Variants in GALNT2 observed in about 807,000 individuals in gnomAD.
GALNT2 encodes UDP-GalNAc:polypeptide N-acetylgalactosaminyltransferase 2.
In GALNT2, 31 loss-of-function variants were observed where a neutral mutation model predicts 81.4. The ratio of observed to expected loss-of-function variants is 0.38; its 90% CI spans 0.29 to 0.51. The LOEUF (loss-of-function observed/expected upper bound fraction) is 0.51, where lower values mean the gene tolerates loss of function less well. Among genes scored for constraint, GALNT2 ranks in the 20% least tolerant of loss-of-function variants. The pLI, the probability that GALNT2 is intolerant of heterozygous loss-of-function variation, is 0.87. For synonymous variants in GALNT2, 303 were observed against 287.4 expected (o/e 1.05, Z -0.55); for missense variants, 629 against 765.7 (o/e 0.82, Z 2.11).
chr1:230,059,771 AT>A (rs1279211498), intron 1 of GALNT2, among the ~76,000 whole-genome samples: 1 of 152,080 alleles, frequency 6.6e-6, no homozygotes, highest in African/African-American at 2.4e-5. Context: ...ATTTTAAAAT[AT>A]TTTGCCACTT....
intron 3 of GALNT2, among the ~76,000 whole-genome samples, chr1:230,229,127 A>G (rs1384589833): frequency 1.3e-5 from 2 of 152,228 alleles, no homozygotes; most frequent in East Asian, 3.8e-4. Flanking sequence ...TCAAAATTAA[A>G]ACGTAGGTTT....
chr1:230,174,348 C>G (rs10158821), intron 1 of GALNT2, among the ~76,000 whole-genome samples: 1 of 152,206 alleles, frequency 6.6e-6, no homozygotes, highest in East Asian at 1.9e-4. Flanking sequence ...TGAGTGGTCT[C>G]CCTCCTGCTC....
intron 1 of GALNT2, among the ~76,000 whole-genome samples, chr1:230,062,119 T>C (rs542858496): frequency 6.6e-6 from 1 of 152,316 alleles, no homozygotes; most frequent in African/African-American, 2.4e-5. Context: ...GGAGGATAAA[T>C]AGTATGTTTG....
At chr1:230,110,712 C>CTT (rs1660674106) in intron 1 of GALNT2, among the ~76,000 whole-genome samples, 1 of 81,374 alleles carries the variant, frequency 1.2e-5, no homozygotes, top group Non-Finnish European at 2.5e-5. Context: ...CTGTGCTTTT[C>CTT]TGTTTTTTTT....
At position 230,103,937 on chromosome 1, in the gene GALNT2, G is replaced by A. The variant is rs574845949; in HGVS notation, c.126+36531G>A. Among the ~76,000 whole-genome samples the A allele has an allele frequency of 2.2e-4, 33 of 152,296 alleles. No individual in the cohort carries two copies. The East Asian group carries it at 5.6e-3, about 26-fold the overall frequency. The stretch of plus-strand genomic sequence containing the variant: ...GATTTTGGTAGCAGCATCTCCCAGA[G>A]CGACTGTTTCCTTCTTCAGCAGTGT... On this transcript the variant is annotated intron_variant, in intron 1 of 15. Transcript: ENST00000366672.
At chr1:230,093,291 C>T (rs1660147989) in intron 1 of GALNT2, among the ~76,000 whole-genome samples, 1 of 151,856 alleles carries the variant, frequency 6.6e-6, no homozygotes, top group Non-Finnish European at 1.5e-5. Context: ...ACTTAAAGGG[C>T]ACTGAACATG....
chr1:230,187,490 G>A (rs893393384), intron 2 of GALNT2, among the ~76,000 whole-genome samples: 35 of 146,642 alleles, frequency 2.4e-4, no homozygotes, highest in African/African-American at 3.4e-4. Context: ...GCAGCCCCCC[G>A]GCAGCATCTG....
At chr1:230,183,698 C>T (rs1422949953) in intron 2 of GALNT2, among the ~76,000 whole-genome samples, 1 of 152,138 alleles carries the variant, frequency 6.6e-6, no homozygotes, top group South Asian at 2.1e-4. Context: ...GAAAAATAGG[C>T]GAGGAGCAGT....
At chr1:230,186,631 C>T (rs1663345262) in intron 2 of GALNT2, among the ~76,000 whole-genome samples, 1 of 152,188 alleles carries the variant, frequency 6.6e-6, no homozygotes, top group Non-Finnish European at 1.5e-5. Context: ...GAGGGAAAAG[C>T]CATCTTCAGG....
Position 230,279,657 on chromosome 1 carries a change from C to A in GALNT2, c.*199C>A. ...GGCAAGAAGCGAGAACTGCCCTCCC[C>A]CTCCTCTCGGTGCAGCCCAGCCGGG... On this transcript the variant is annotated 3_prime_UTR_variant, in exon 16 of 16. Coordinates refer to ENST00000366672, the MANE Select transcript of GALNT2 (RefSeq NM_004481.5). This position sits in a 1 kb window ranked among gnomAD's most constrained non-coding sequence, Gnocchi z 4.6. 1.5e-6 allele frequency: 1 copy of A among 664,078 alleles called. No individual in the cohort carries two copies. Among genetic ancestry groups the A allele is most frequent in the Non-Finnish European group, 2.5e-6 (1 of 398,158 alleles). 41.1% of individuals were successfully genotyped at this position (664,078 alleles called of 1,614,324 possible). A position where few individuals can be genotyped will look rare whatever the true frequency, so the allele number is the denominator to read the frequency against.
At chr1:230,095,926 G>A (rs916058472) in intron 1 of GALNT2, among the ~76,000 whole-genome samples, 3 of 152,230 alleles carry the variant, frequency 2.0e-5, no homozygotes, top group East Asian at 1.9e-4. Context: ...CCCCAGCCGC[G>A]AGGCACCTGT....
intron 3 of GALNT2, among the ~76,000 whole-genome samples, chr1:230,228,723 C>T (rs1224370870): frequency 6.6e-6 from 1 of 152,006 alleles, no homozygotes; most frequent in East Asian, 2.0e-4. Flanking sequence ...GCTCCTCGGG[C>T]ATGTTGCCCT....
At position 230,262,948 on chromosome 1, in the gene GALNT2, A is replaced by G; in HGVS notation, c.1256A>G (p.Lys419Arg). 1 of 1,614,182 alleles carries G rather than the reference A, an allele frequency of 6.2e-7. No individual in the cohort carries two copies. The highest frequency in any genetic ancestry group is 1.1e-5 in the South Asian group (1 of 91,092). ...ATTCAGAGCAGATTGGAGCTTAGGA[A>G]GAAACTCAGCTGCAAGCCTTTCAAA... Reference protein sequence around the residue: ...GNIQSRLELRKKLSCKPFKWY... With the variant: ...GNIQSRLELRRKLSCKPFKWY... The change falls in exon 13 of 16, where the codon AAG (lysine) becomes AGG (arginine). Residue 419 changes from lysine to arginine, a missense_variant. Coordinates refer to ENST00000366672, the MANE Select transcript of GALNT2 (RefSeq NM_004481.5).
At chr1:230,178,011 G>A (rs543707069) in intron 1 of GALNT2, among the ~76,000 whole-genome samples, 83 of 152,268 alleles carry the variant, frequency 5.5e-4, no homozygotes, top group African/African-American at 1.8e-3. Flanking sequence ...CCTTGGGAAA[G>A]GTCATGCCCA....
chr1:230,267,449 C>T (rs561229229), intron 14 of GALNT2, among the ~76,000 whole-genome samples: 1 of 152,336 alleles, frequency 6.6e-6, no homozygotes, highest in African/African-American at 2.4e-5. Context: ...CTTCCCTCTG[C>T]TGTGTGGCAG....
chr1:230,095,638 C>A (rs934088867), intron 1 of GALNT2, among the ~76,000 whole-genome samples: 12 of 151,200 alleles, frequency 7.9e-5, no homozygotes, highest in African/African-American at 2.7e-4. Flanking sequence ...CAGTCTCCAG[C>A]CAAGGGCATG....
chr1:230,242,796 A>G (rs896865745), intron 6 of GALNT2, among the ~76,000 whole-genome samples: 1 of 152,236 alleles, frequency 6.6e-6, no homozygotes, highest in Non-Finnish European at 1.5e-5. Flanking sequence ...TAGTATAACT[A>G]ATTTTGTGTA....
intron 1 of GALNT2, among the ~76,000 whole-genome samples, chr1:230,092,457 C>T (rs1289206489): frequency 6.6e-6 from 1 of 151,804 alleles, no homozygotes; most frequent in African/African-American, 2.4e-5. Context: ...GATTCTTCTG[C>T]CTCAGCCTCC....
rs148137468 is a variant in GALNT2 at position 230,126,608 on chromosome 1, G to A, written c.127-51610G>A. The stretch of plus-strand genomic sequence containing the variant: ...GAGTGGTTCAGAAGGCCATCCTCCC[G>A]CAGGCAGCCTCACTCACGTACCTCA... On this transcript the variant is annotated intron_variant, in intron 1 of 15. Coordinates refer to ENST00000366672, the MANE Select transcript of GALNT2 (RefSeq NM_004481.5). 3.7e-4 allele frequency among the ~76,000 whole-genome samples: 57 copies of A among 152,308 alleles called. No homozygotes were observed. The East Asian group carries it at 0.011, about 29-fold the overall frequency.
Sources: allele counts gnomAD v4.1 joint callset (sites outside exome capture counted in the v4.1 genomes callset), GRCh38; gene constraint gnomAD v4.1.1; non-coding constraint Gnocchi (gnomAD v3.1); transcripts MANE v1.5; gene names NCBI Gene and HGNC (gene_info 2026-07-23, HGNC 2026-07-21).